The following OSBPL10 variants were observed in gnomAD, a reference collection of about 807,000 sequenced individuals.
OSBPL10 encodes oxysterol-binding protein-related protein 10.
In OSBPL10, 49 loss-of-function variants were observed where a neutral mutation model predicts 81.7. That is an observed-to-expected ratio of 0.60 (90% confidence interval 0.48 to 0.76). The LOEUF (loss-of-function observed/expected upper bound fraction) is 0.76, where lower values mean the gene tolerates loss of function less well. Among genes scored for constraint, OSBPL10 ranks in the 30% least tolerant of loss-of-function variants. The probability of loss-of-function intolerance (pLI) is 0.00; values close to 1 mark genes in which losing one functional copy is unlikely to be tolerated. For synonymous variants in OSBPL10, 419 were observed against 383.6 expected (o/e 1.09, Z -1.08); for missense variants, 923 against 987.8 (o/e 0.93, Z 0.88).
chr3:31,849,912 C>G (rs1700720661), intron 3 of OSBPL10, among the ~76,000 whole-genome samples: 1 of 152,152 alleles, frequency 6.6e-6, no homozygotes, highest in African/African-American at 2.4e-5. Flanking sequence ...CACCTGTAAT[C>G]CCAGCACTTT....
At chr3:31,678,242 G>A (rs1263067274) in intron 8 of OSBPL10, among the ~76,000 whole-genome samples, 1 of 152,212 alleles carries the variant, frequency 6.6e-6, no homozygotes, top group East Asian at 1.9e-4. Context: ...CGTTGACGGT[G>A]TGGCTTAAGT....
intron 3 of OSBPL10, among the ~76,000 whole-genome samples, chr3:31,853,200 C>A (rs1471732554): frequency 1.3e-5 from 2 of 152,156 alleles, no homozygotes; most frequent in African/African-American, 2.4e-5. Flanking sequence ...GCATCAGCAA[C>A]CTTTTCTAGT....
intron 4 of OSBPL10, among the ~76,000 whole-genome samples, chr3:31,753,642 G>A (rs1697788232): frequency 1.3e-5 from 2 of 152,132 alleles, no homozygotes; most frequent in African/African-American, 4.8e-5. Flanking sequence ...ATTCATTACA[G>A]GAACTTCCCC....
chr3:31,898,831 A>G (rs1013340280), intron 1 of OSBPL10, among the ~76,000 whole-genome samples: 4 of 152,022 alleles, frequency 2.6e-5, no homozygotes, highest in Non-Finnish European at 4.4e-5. Context: ...AAAATAATAA[A>G]GATGTTTAAC....
intron 3 of OSBPL10, among the ~76,000 whole-genome samples, chr3:31,851,664 A>C (rs2125577308): frequency 6.6e-6 from 1 of 152,300 alleles, no homozygotes; most frequent in South Asian, 2.1e-4. Flanking sequence ...GGGGAATAAA[A>C]TTTCCGAAAG....
chr3:31,671,592 G>A (rs1195139681), intron 8 of OSBPL10, among the ~76,000 whole-genome samples: 1 of 152,156 alleles, frequency 6.6e-6, no homozygotes, highest in South Asian at 2.1e-4. Flanking sequence ...TGAAAATAGA[G>A]AAATCAGGCT....
At chr3:31,850,101 G>T (rs570426040) in intron 3 of OSBPL10, among the ~76,000 whole-genome samples, 1 of 152,232 alleles carries the variant, frequency 6.6e-6, no homozygotes, top group East Asian at 1.9e-4. Flanking sequence ...GGAGGTGGAG[G>T]TTGCAGTGAG....
intron 8 of OSBPL10, among the ~76,000 whole-genome samples, chr3:31,676,006 G>A (rs1240612360): frequency 6.6e-6 from 1 of 151,634 alleles, no homozygotes; most frequent in Non-Finnish European, 1.5e-5. Context: ...TACCTGTGAG[G>A]GATGGAAGAG....
At chr3:31,736,518 G>A (rs1429412675) in intron 5 of OSBPL10, among the ~76,000 whole-genome samples, 1 of 152,080 alleles carries the variant, frequency 6.6e-6, no homozygotes, top group African/African-American at 2.4e-5. Context: ...TAAGAGAGGT[G>A]GACAGATACC....
At chr3:31,859,956 T>TG (rs1241578264) in intron 3 of OSBPL10, among the ~76,000 whole-genome samples, 7 of 152,146 alleles carry the variant, frequency 4.6e-5, no homozygotes, top group Admixed American at 4.6e-4. Flanking sequence ...CCAATGGACT[T>TG]GGAGATTGCC....
chr3:32,016,039 G>A, intron 2 of OSBPL10, among the ~76,000 whole-genome samples: 1 of 152,006 alleles, frequency 6.6e-6, no homozygotes. Context: ...TCAGTGTGGT[G>A]ATTCCTCAGG....
At chr3:31,942,227 A>ATGGC (rs1366765749) in intron 1 of OSBPL10, among the ~76,000 whole-genome samples, 1 of 152,014 alleles carries the variant, frequency 6.6e-6, no homozygotes, top group East Asian at 1.9e-4. Flanking sequence ...GTGAGCCGAG[A>ATGGC]TGGCGCCACA....
chr3:31,953,098 ATT>A (rs1197944291), intron 1 of OSBPL10, among the ~76,000 whole-genome samples: 1 of 151,064 alleles, frequency 6.6e-6, no homozygotes. Flanking sequence ...TGCCTGGCTA[ATT>A]TTTTTGTATT....
intron 8 of OSBPL10, among the ~76,000 whole-genome samples, chr3:31,679,943 G>T (rs1389710776): frequency 6.6e-6 from 1 of 152,106 alleles, no homozygotes; most frequent in Non-Finnish European, 1.5e-5. Context: ...CTTTCAATAG[G>T]AAGAGTTACC....
intron 3 of OSBPL10, among the ~76,000 whole-genome samples, chr3:31,844,991 A>C (rs576379394): frequency 1.3e-5 from 2 of 152,302 alleles, no homozygotes; most frequent in South Asian, 4.2e-4. Flanking sequence ...CTGAGGCAGG[A>C]GGATCACTTG....
intron 4 of OSBPL10, among the ~76,000 whole-genome samples, chr3:31,757,025 A>G (rs1278056722): frequency 6.6e-6 from 1 of 152,194 alleles, no homozygotes; most frequent in African/African-American, 2.4e-5. Flanking sequence ...GCCTTAAAAC[A>G]AAGTTGGTGT....
At chr3:32,075,352 G>C (rs1699864728) in intron 1 of OSBPL10, among the ~76,000 whole-genome samples, 1 of 152,104 alleles carries the variant, frequency 6.6e-6, no homozygotes. Context: ...CTCAAGGATA[G>C]AGCCCAAAAA....
At position 31,772,736 on chromosome 3, in the gene OSBPL10, CTG is replaced by C. The variant is rs1199262481; in HGVS notation, c.730-24618_730-24617del. ...ATCCAGAAACACAGTTTTCACCATT[CTG>C]TGTGTCTGGAAATGACCACAAAAGC... is the stretch of plus-strand genomic sequence containing the variant. On this transcript the variant is annotated intron_variant, in intron 4 of 11. Coordinates refer to ENST00000396556, the MANE Select transcript of OSBPL10 (RefSeq NM_017784.5). 2.9e-4 allele frequency among the ~76,000 whole-genome samples: 44 copies of C among 152,320 alleles called. 1 individual carries two copies. The Middle Eastern group carries it at 0.014, about 47-fold the overall frequency.
chr3:31,764,041 A>T (rs1446382830), intron 4 of OSBPL10, among the ~76,000 whole-genome samples: 1 of 152,236 alleles, frequency 6.6e-6, no homozygotes, highest in African/African-American at 2.4e-5. Context: ...TGTAATCCTC[A>T]AGGCACACAA....
Sources: allele counts gnomAD v4.1 joint callset (sites outside exome capture counted in the v4.1 genomes callset), GRCh38; gene constraint gnomAD v4.1.1; transcripts MANE v1.5; gene names NCBI Gene and HGNC (gene_info 2026-07-23, HGNC 2026-07-21).